NEGR1: variants seen among roughly 807,000 people sequenced by gnomAD.
NEGR1 encodes IgLON family member 4.
Under a neutral mutation model 40.9 loss-of-function variants are expected in NEGR1, and 10 were observed. That is an observed-to-expected ratio of 0.24 (90% CI 0.15 to 0.42). The LOEUF is 0.42. Ranked by LOEUF, NEGR1 falls within the 10% of genes least tolerant of loss-of-function variation. NEGR1 has a pLI of 1.00. For synonymous variants in NEGR1, 185 were observed against 166.8 expected (o/e 1.11, Z -0.84); for missense variants, 352 against 438.9 (o/e 0.80, Z 1.77).
intron 2 of NEGR1, among the ~76,000 whole-genome samples, chr1:71,818,377 T>C (rs575758293): frequency 6.6e-6 from 1 of 152,082 alleles, no homozygotes; most frequent in South Asian, 2.1e-4. Flanking sequence ...TGAGCTCATG[T>C]CTTTGCAACA....
chr1:72,276,639 C>A (rs562769829), intron 1 of NEGR1, among the ~76,000 whole-genome samples: 15 of 151,958 alleles, frequency 9.9e-5, no homozygotes, highest in African/African-American at 3.4e-4. Flanking sequence ...TGTAATATGC[C>A]TCAATATTCT....
rs766797101 is a variant in NEGR1 at position 71,611,103 on chromosome 1, G to A, written c.711C>T (p.Pro237=). The change falls in exon 5 of 7, where the codon CCC becomes CCT. Residue 237 remains proline, a synonymous_variant. Transcript: ENST00000357731. Reference sequence around the variant, plus strand: ...CACATCTTATCAGGCCACTGCGTCCGGGGGTCACGGTGCCAGATTTAATTT... The same window carrying A: ...CACATCTTATCAGGCCACTGCGTCCAGGGGTCACGGTGCCAGATTTAATTT... The part of the protein sequence containing the change: ...IQEIKSGTVT[P]GRSGLIRCEG... 3.1e-5 allele frequency: 50 copies of A among 1,613,196 alleles called. No homozygotes were observed. Among genetic ancestry groups the A allele is most frequent in the East Asian group, 1.3e-4 (6 of 44,882 alleles).
At chr1:71,546,284 T>C (rs569692587) in intron 6 of NEGR1, among the ~76,000 whole-genome samples, 1 of 151,696 alleles carries the variant, frequency 6.6e-6, no homozygotes, top group Non-Finnish European at 1.5e-5. Flanking sequence ...ATAAAGCAAC[T>C]TGATGCACCT....
At chr1:71,721,086 A>G (rs932551349) in intron 3 of NEGR1, among the ~76,000 whole-genome samples, 1 of 152,210 alleles carries the variant, frequency 6.6e-6, no homozygotes, top group African/African-American at 2.4e-5. Context: ...AACACAAGTC[A>G]TTGACCCTGC....
intron 1 of NEGR1, among the ~76,000 whole-genome samples, chr1:72,096,805 C>A (rs1237213824): frequency 3.3e-5 from 5 of 151,990 alleles, no homozygotes; most frequent in East Asian, 1.9e-4. Flanking sequence ...GGACTGCTGG[C>A]GCCCGCCACA....
intron 1 of NEGR1, among the ~76,000 whole-genome samples, chr1:72,129,917 T>C (rs1026564135): frequency 3.3e-5 from 5 of 152,206 alleles, no homozygotes; most frequent in African/African-American, 4.8e-5. Flanking sequence ...TAATTCACCA[T>C]TGCCTTTGCC....
intron 3 of NEGR1, among the ~76,000 whole-genome samples, chr1:71,737,757 A>G (rs1469823204): frequency 6.6e-6 from 1 of 152,174 alleles, no homozygotes; most frequent in Non-Finnish European, 1.5e-5. Flanking sequence ...AAGACAAAAA[A>G]GATAGCTAAT....
At chr1:71,705,873 A>G (rs1197650266) in intron 3 of NEGR1, among the ~76,000 whole-genome samples, 1 of 151,958 alleles carries the variant, frequency 6.6e-6, no homozygotes, top group Non-Finnish European at 1.5e-5. Flanking sequence ...GGAAGGAAGG[A>G]AGGAAGCAAG....
chr1:72,011,364 T>C (rs568940023), intron 1 of NEGR1, among the ~76,000 whole-genome samples: 6 of 152,254 alleles, frequency 3.9e-5, no homozygotes, highest in African/African-American at 1.4e-4. Context: ...GGTTAGGATT[T>C]GAAAGGACAA....
intron 6 of NEGR1, among the ~76,000 whole-genome samples, chr1:71,428,785 C>A (rs1198162246): frequency 6.6e-6 from 1 of 151,382 alleles, no homozygotes; most frequent in Non-Finnish European, 1.5e-5. Context: ...TAGATTTAAC[C>A]CAGTCTATGA....
At chr1:72,140,224 T>TTTGTTGTTGTTGTTGTTGTTG (rs59526560) in intron 1 of NEGR1, among the ~76,000 whole-genome samples, 4 of 150,602 alleles carry the variant, frequency 2.7e-5, no homozygotes, top group African/African-American at 9.8e-5. Flanking sequence ...GATAACTGTT[T>TTTGTTGTTGTTGTTGTTGTTG]TTGTTGTTGT....
At chr1:71,657,685 G>T (rs77793797) in intron 4 of NEGR1, among the ~76,000 whole-genome samples, 1 of 152,042 alleles carries the variant, frequency 6.6e-6, no homozygotes, top group Non-Finnish European at 1.5e-5. Context: ...GGCTGGGGAC[G>T]CTAGCCATGA....
chr1:71,713,847 T>TA (rs980590665), intron 3 of NEGR1, among the ~76,000 whole-genome samples: 31 of 152,116 alleles, frequency 2.0e-4, no homozygotes, highest in Admixed American at 1.2e-3. Flanking sequence ...GATGTCTTTG[T>TA]AAAAAAAAGA....
At chr1:71,449,186 G>T (rs1014061847) in intron 6 of NEGR1, among the ~76,000 whole-genome samples, 26 of 152,132 alleles carry the variant, frequency 1.7e-4, no homozygotes, top group Non-Finnish European at 3.5e-4. Context: ...TCTAGGTTAA[G>T]AGAGGTATAA....
chr1:71,600,282 C>T (rs143763590), intron 5 of NEGR1, among the ~76,000 whole-genome samples: 117 of 152,262 alleles, frequency 7.7e-4, no homozygotes, highest in African/African-American at 2.5e-3. Flanking sequence ...CCATGATAAG[C>T]GTTGGGGACA....
chr1:72,252,173 T>TTCAGGCAATTCTCCTGTCTCAGCCTCCC (rs1655124409), intron 1 of NEGR1, among the ~76,000 whole-genome samples: 2 of 151,418 alleles, frequency 1.3e-5, no homozygotes, highest in African/African-American at 2.5e-5. Flanking sequence ...TGGGGCGATG[T>TTCAGGCAATTCTCCTGTCTCAGCCTCCC]AGCTGGGATT....
intron 2 of NEGR1, among the ~76,000 whole-genome samples, chr1:71,923,968 G>C (rs148860769): frequency 2.0e-5 from 3 of 151,742 alleles, no homozygotes; most frequent in Non-Finnish European, 2.9e-5. Flanking sequence ...GAGTGCAGTG[G>C]CACGATCACC....
At chr1:71,996,202 G>GC (rs2100369109) in intron 1 of NEGR1, among the ~76,000 whole-genome samples, 1 of 152,138 alleles carries the variant, frequency 6.6e-6, no homozygotes, top group Non-Finnish European at 1.5e-5. Context: ...TAAAAATCAA[G>GC]CCAATTTGCT....
chr1:71,542,062 T>C (rs1019322955), intron 6 of NEGR1, among the ~76,000 whole-genome samples: 1 of 151,714 alleles, frequency 6.6e-6, no homozygotes, highest in Non-Finnish European at 1.5e-5. Context: ...AATTACATAA[T>C]TGACACTATT....
Sources: allele counts gnomAD v4.1 joint callset (sites outside exome capture counted in the v4.1 genomes callset), GRCh38; gene constraint gnomAD v4.1.1; transcripts MANE v1.5; gene names NCBI Gene and HGNC (gene_info 2026-07-23, HGNC 2026-07-21).